ADGRL3: variants seen among roughly 807,000 people sequenced by gnomAD.
The protein encoded by ADGRL3 is adhesion G protein-coupled receptor L3, also known as calcium-independent alpha-latrotoxin receptor 3.
ADGRL3 carries 62 observed loss-of-function variants against 153.5 expected under a neutral mutation model. That is an observed-to-expected ratio of 0.40 (90% confidence interval 0.33 to 0.50). The LOEUF (loss-of-function observed/expected upper bound fraction) is 0.50, where lower values mean the gene tolerates loss of function less well. Ranked by LOEUF, ADGRL3 falls within the 20% of genes least tolerant of loss-of-function variation. The pLI is 0.47. For synonymous variants in ADGRL3, 710 were observed against 672.5 expected (o/e 1.06, Z -0.86); for missense variants, 1,641 against 1,859.4 (o/e 0.88, Z 2.16).
At position 61,946,945 on chromosome 4, in the gene ADGRL3, C is replaced by A. The variant is rs759192439; in HGVS notation, c.2451C>A (p.Asn817Lys). 3.4e-5 allele frequency: 55 copies of A among 1,613,616 alleles called. No homozygotes were observed. Among genetic ancestry groups the A allele is most frequent in the Non-Finnish European group, 6.8e-6 (8 of 1,179,784 alleles). ...GEIRVAFVLY[N>K]NLGPYLSTEN... Reference sequence around the variant, plus strand: ...TCAGAGTGGCCTTTGTCCTGTATAACAACTTGGGTCCTTATTTATCCACGG... The same window carrying A: ...TCAGAGTGGCCTTTGTCCTGTATAAAAACTTGGGTCCTTATTTATCCACGG... Residue 817 changes from asparagine (N) to lysine (K), a missense_variant, in exon 16 of 27, where the codon AAC (asparagine) becomes AAA (lysine). Asn to Lys is a moderately conservative substitution (Grantham distance 94). Around this residue, in one of 5 missense-constraint regions of ADGRL3, gnomAD observed 734 missense variants for 797.0 expected, o/e 0.92. Transcript: ENST00000683033.
chr4:61,603,762 A>T (rs1301193021), intron 5 of ADGRL3, among the ~76,000 whole-genome samples: 1 of 151,556 alleles, frequency 6.6e-6, no homozygotes, highest in Non-Finnish European at 1.5e-5. Flanking sequence ...TTTCCCTGAC[A>T]TCTGGGATTC....
chr4:61,502,378 C>T (rs948055623), intron 3 of ADGRL3, among the ~76,000 whole-genome samples: 1 of 152,050 alleles, frequency 6.6e-6, no homozygotes, highest in Non-Finnish European at 1.5e-5. Flanking sequence ...AGCAGGATCA[C>T]TGGCACTTAA....
chr4:61,244,703 A>T (rs781605718), intron 1 of ADGRL3, among the ~76,000 whole-genome samples: 6 of 151,998 alleles, frequency 3.9e-5, no homozygotes, highest in African/African-American at 1.4e-4. Flanking sequence ...CTCTGACTCG[A>T]TAGAACCTAT....
At chr4:62,006,031 TA>T (rs554536078) in intron 21 of ADGRL3, among the ~76,000 whole-genome samples, 4,972 of 78,510 alleles carry the variant, frequency 0.063, 276 homozygotes, top group South Asian at 0.15. Flanking sequence ...TATATATATA[TA>T]TTTTTTTTTT....
intron 1 of ADGRL3, among the ~76,000 whole-genome samples, chr4:61,352,211 T>C (rs2096064586): frequency 2.0e-5 from 3 of 152,156 alleles, no homozygotes; most frequent in Admixed American, 1.3e-4. Context: ...GAATTAGAAT[T>C]ACCAATGGAG....
chr4:61,749,069 C>T (rs1196064275), intron 8 of ADGRL3, among the ~76,000 whole-genome samples: 18 of 151,902 alleles, frequency 1.2e-4, no homozygotes, highest in Non-Finnish European at 4.4e-5. Context: ...AGACACTTCT[C>T]AAAAGAAGAC....
intron 4 of ADGRL3, among the ~76,000 whole-genome samples, chr4:61,559,156 C>A (rs1312228976): frequency 1.3e-5 from 2 of 151,950 alleles, no homozygotes; most frequent in South Asian, 2.1e-4. Flanking sequence ...AAATTTAATA[C>A]TGTGTTTAGC....
intron 5 of ADGRL3, among the ~76,000 whole-genome samples, chr4:61,605,663 C>G (rs2099029778): frequency 6.6e-6 from 1 of 152,094 alleles, no homozygotes; most frequent in Non-Finnish European, 1.5e-5. Flanking sequence ...AACCAAAATG[C>G]TGTTGTTTTG....
At chr4:61,701,821 A>AT (rs1010072938) in intron 6 of ADGRL3, among the ~76,000 whole-genome samples, 1 of 152,054 alleles carries the variant, frequency 6.6e-6, no homozygotes, top group African/African-American at 2.4e-5. Context: ...ATTTGAAGAT[A>AT]TTTTTTACAA....
At chr4:61,458,671 C>G (rs949037610) in intron 2 of ADGRL3, among the ~76,000 whole-genome samples, 10 of 151,350 alleles carry the variant, frequency 6.6e-5, no homozygotes, top group African/African-American at 2.2e-4. Context: ...ACTAAATTTA[C>G]CTTATCAAAT....
At chr4:61,946,572 G>T (rs2098925539) in intron 15 of ADGRL3, among the ~76,000 whole-genome samples, 1 of 152,010 alleles carries the variant, frequency 6.6e-6, no homozygotes, top group African/African-American at 2.4e-5. Context: ...GAGTCTTATT[G>T]AAGACATCTT....
chr4:62,057,832 C>A (rs1244792658), intron 25 of ADGRL3, among the ~76,000 whole-genome samples: 1 of 152,054 alleles, frequency 6.6e-6, no homozygotes, highest in Non-Finnish European at 1.5e-5. Flanking sequence ...CACACTCCGC[C>A]ACGCCTGGCC....
At chr4:61,302,976 T>G (rs2094629697) in intron 1 of ADGRL3, among the ~76,000 whole-genome samples, 1 of 152,110 alleles carries the variant, frequency 6.6e-6, no homozygotes, top group African/African-American at 2.4e-5. Context: ...TCAAATATAT[T>G]AGGACTTTCC....
At chr4:61,888,029 A>C (rs1054009072) in intron 9 of ADGRL3, among the ~76,000 whole-genome samples, 1 of 152,224 alleles carries the variant, frequency 6.6e-6, no homozygotes, top group African/African-American at 2.4e-5. Context: ...ATTCTAAGAA[A>C]GAAACGAGTT....
chr4:61,383,976 G>T (rs1299642002), intron 2 of ADGRL3, among the ~76,000 whole-genome samples: 2 of 151,718 alleles, frequency 1.3e-5, no homozygotes, highest in African/African-American at 4.8e-5. Flanking sequence ...CCTAATATTT[G>T]AAATATCAAC....
rs1036534643 is a variant in ADGRL3, at chr4:61,989,095, G to A, written c.3236+5492G>A. On this transcript the variant is annotated intron_variant, in intron 19 of 26. Coordinates refer to ENST00000683033, the MANE Select transcript of ADGRL3 (RefSeq NM_001387552.1). Reference sequence around the variant, plus strand: ...TTATTTTCACTTCATCATCTAACCAGCATAATCATGTAGGTAGAAAAGTGA... The same window carrying A: ...TTATTTTCACTTCATCATCTAACCAACATAATCATGTAGGTAGAAAAGTGA... 2.6e-5 allele frequency among the ~76,000 whole-genome samples: 4 copies of A among 151,950 alleles called. No homozygotes were observed. The East Asian group carries it at 7.7e-4, about 29-fold the overall frequency.
intron 9 of ADGRL3, among the ~76,000 whole-genome samples, chr4:61,820,044 A>G (rs6824026): frequency 0.054 from 8,171 of 152,030 alleles, 368 homozygotes; most frequent in African/African-American, 0.12. Context: ...TTAGGGAAAA[A>G]GTATTTTGTG....
At chr4:61,647,788 A>T (rs1023298390) in intron 5 of ADGRL3, among the ~76,000 whole-genome samples, 3 of 152,188 alleles carry the variant, frequency 2.0e-5, no homozygotes, top group Non-Finnish European at 4.4e-5. Flanking sequence ...GAAATTATAT[A>T]AATAGAAAAC....
chr4:61,982,895 T>C (rs1320828470), intron 18 of ADGRL3, among the ~76,000 whole-genome samples: 2 of 152,130 alleles, frequency 1.3e-5, no homozygotes. Context: ...AAACAATTAG[T>C]AATAATCTCA....
Sources: allele counts gnomAD v4.1 joint callset (sites outside exome capture counted in the v4.1 genomes callset), GRCh38; gene constraint gnomAD v4.1.1; regional missense constraint gnomAD v4.1.1; transcripts MANE v1.5; gene names NCBI Gene and HGNC (gene_info 2026-07-23, HGNC 2026-07-21).